LRRK2: variants seen among roughly 807,000 people sequenced by gnomAD.
LRRK2 encodes leucine rich repeat kinase 2.
In LRRK2, 203 loss-of-function variants were observed where a neutral mutation model predicts 302.6. The observed-to-expected ratio is 0.67, with a 90% CI of 0.60 to 0.75. The LOEUF (loss-of-function observed/expected upper bound fraction) is 0.75, where lower values mean the gene tolerates loss of function less well. Ranked by LOEUF, LRRK2 falls within the 30% of genes least tolerant of loss-of-function variation. The pLI is 0.00. For synonymous variants in LRRK2, 1,066 were observed against 1,031.9 expected (o/e 1.03, Z -0.63); for missense variants, 2,830 against 2,951.0 (o/e 0.96, Z 0.95).
intron 40 of LRRK2, among the ~76,000 whole-genome samples, chr12:40,340,038 C>A (rs540454328): frequency 1.3e-5 from 2 of 152,236 alleles, no homozygotes; most frequent in South Asian, 4.1e-4. Flanking sequence ...TGGGTCTTTG[C>A]CTGAGATAGA....
At chr12:40,310,352 G>A (rs1240763681) in intron 30 of LRRK2, 79 bp from the exon 31 acceptor site, 10 of 1,344,700 alleles carry the variant, frequency 7.4e-6, no homozygotes, top group Non-Finnish European at 8.5e-6. Flanking sequence ...TGAATGTCAC[G>A]GAAAGCAAAT....
chr12:40,364,384 G>A (rs1290864180), intron 48 of LRRK2, among the ~76,000 whole-genome samples: 2 of 151,826 alleles, frequency 1.3e-5, no homozygotes, highest in Non-Finnish European at 2.9e-5. Context: ...CTTCATTTTT[G>A]TCATGAATTA....
At chr12:40,250,230 G>A (rs909922405) in intron 8 of LRRK2, among the ~76,000 whole-genome samples, 6 of 152,062 alleles carry the variant, frequency 3.9e-5, no homozygotes, top group African/African-American at 1.4e-4. Flanking sequence ...GGTGGCTCAC[G>A]CCTGTAATCT....
intron 14 of LRRK2, among the ~76,000 whole-genome samples, chr12:40,266,866 A>G (rs1198198193): frequency 6.6e-6 from 1 of 150,920 alleles, no homozygotes; most frequent in Non-Finnish European, 1.5e-5. Context: ...CATGGATGGT[A>G]CTCAGCAAAG....
At chr12:40,326,488 A>AAT (rs1945556148) in intron 38 of LRRK2, among the ~76,000 whole-genome samples, 1 of 150,074 alleles carries the variant, frequency 6.7e-6, no homozygotes, top group African/African-American at 2.5e-5. Flanking sequence ...AAAAAAAAAA[A>AAT]GAAAAAAAAA....
At chr12:40,341,817 T>A (rs1946052297) in intron 41 of LRRK2, among the ~76,000 whole-genome samples, 2 of 152,172 alleles carry the variant, frequency 1.3e-5, no homozygotes, top group South Asian at 4.1e-4. Context: ...CTAAACCATA[T>A]GCAACTCTAA....
intron 46 of LRRK2, 51 bp downstream of exon 46, chr12:40,356,238 T>C: frequency 7.7e-7 from 1 of 1,292,834 alleles, no homozygotes; most frequent in Non-Finnish European, 1.1e-6. Flanking sequence ...TCTTTTGTTT[T>C]ATATATATCT....
intron 33 of LRRK2, among the ~76,000 whole-genome samples, chr12:40,318,664 G>GA (rs1319517414): frequency 6.6e-6 from 1 of 152,014 alleles, no homozygotes; most frequent in Non-Finnish European, 1.5e-5. Flanking sequence ...TGAGAGAAGA[G>GA]AAGTAATAAA....
At chr12:40,331,244 T>C (rs1592298681) in intron 39 of LRRK2, among the ~76,000 whole-genome samples, 1 of 152,294 alleles carries the variant, frequency 6.6e-6, no homozygotes, top group South Asian at 2.1e-4. Flanking sequence ...CACATTCATG[T>C]AGGTTTGCTT....
chr12:40,233,214 C>G (rs911819872), intron 3 of LRRK2, among the ~76,000 whole-genome samples: 2 of 152,212 alleles, frequency 1.3e-5, no homozygotes, highest in East Asian at 1.9e-4. Context: ...GACACTCTGT[C>G]TCAAAAACAA....
intron 10 of LRRK2, 24 bp downstream of exon 10, chr12:40,251,568 A>G (rs1198065546): frequency 6.4e-7 from 1 of 1,566,750 alleles, no homozygotes; most frequent in African/African-American, 1.4e-5. Flanking sequence ...ATTTTATATG[A>G]TAGAAAATTT....
intron 25 of LRRK2, among the ~76,000 whole-genome samples, chr12:40,299,588 A>C (rs1944544808): frequency 6.6e-6 from 1 of 152,076 alleles, no homozygotes; most frequent in Non-Finnish European, 1.5e-5. Context: ...TAGGGGAGGG[A>C]GAGATGAATA....
At chr12:40,330,907 T>C (rs547588953) in intron 39 of LRRK2, among the ~76,000 whole-genome samples, 8 of 152,332 alleles carry the variant, frequency 5.3e-5, no homozygotes, top group African/African-American at 1.4e-4. Flanking sequence ...TATTTAGCTT[T>C]CTGGTGAATT....
At chr12:40,243,059 G>A (rs552381860) in intron 6 of LRRK2, among the ~76,000 whole-genome samples, 5 of 150,616 alleles carry the variant, frequency 3.3e-5, no homozygotes, top group South Asian at 4.2e-4. Context: ...ATTAAACAAC[G>A]TGACTAAGTT....
intron 46 of LRRK2, among the ~76,000 whole-genome samples, chr12:40,356,882 G>A (rs1307596924): frequency 1.3e-5 from 2 of 152,172 alleles, no homozygotes; most frequent in African/African-American, 4.8e-5. Flanking sequence ...CATAGAATGT[G>A]TAATGATCAA....
intron 42 of LRRK2, among the ~76,000 whole-genome samples, chr12:40,347,705 G>A (rs1412744177): frequency 2.0e-5 from 3 of 152,234 alleles, no homozygotes; most frequent in Non-Finnish European, 2.9e-5. Flanking sequence ...GCTTACGCCT[G>A]TAATCCCAGC....
At chr12:40,355,840 G>A (rs1946520038) in intron 45 of LRRK2, among the ~76,000 whole-genome samples, 1 of 152,088 alleles carries the variant, frequency 6.6e-6, no homozygotes, top group African/African-American at 2.4e-5. Flanking sequence ...CACCACGCCA[G>A]GCCTCTGTCT....
At chr12:40,260,410 G>C (rs1249220649) in intron 13 of LRRK2, among the ~76,000 whole-genome samples, 1 of 151,578 alleles carries the variant, frequency 6.6e-6, no homozygotes, top group Non-Finnish European at 1.5e-5. Context: ...TGGAAGGGTA[G>C]ATAGAGCTGG....
At position 40,308,558 on chromosome 12, in the gene LRRK2, T is replaced by C; in HGVS notation, c.4051T>C (p.Leu1351=). Residue 1351 remains leucine (L), a synonymous_variant, in exon 29 of 51, where the codon TTG becomes CTG. Transcript: ENST00000298910. ...GNTGSGKTTL[L]QQLMKTKKSD... is the part of the protein sequence containing the mutation. ...TACTGGGAGTGGTAAAACCACCTTA[T>C]TGCAGCAATTAATGAAAACCAAGAA... The C allele has an allele frequency of 1.2e-6, 2 of 1,614,068 alleles. No individual in the cohort carries two copies. The highest frequency in any genetic ancestry group is 1.7e-6 in the Non-Finnish European group (2 of 1,179,968).
Sources: gnomAD v4.1 joint callset for allele counts (sites outside exome capture counted in the v4.1 genomes callset) on GRCh38, gnomAD v4.1.1 for gene constraint, MANE v1.5 for transcripts, NCBI Gene and HGNC (gene_info 2026-07-23, HGNC 2026-07-21) for gene names.